The following PLPPR1 variants were observed in gnomAD, a reference collection of about 807,000 sequenced individuals.
PLPPR1 encodes phospholipid phosphatase related 1, also known as phospholipid phosphatase-related protein type 1.
Under a neutral mutation model 33.1 loss-of-function variants are expected in PLPPR1, and 10 were observed. The observed-to-expected ratio is 0.30, with a 90% CI of 0.19 to 0.51. PLPPR1 has a LOEUF of 0.51. Ranked by LOEUF, PLPPR1 falls within the 20% of genes least tolerant of loss-of-function variation. PLPPR1 has a pLI of 0.97. For synonymous variants in PLPPR1, 151 were observed against 151.0 expected (o/e 1.00, Z 0.00); for missense variants, 304 against 408.1 (o/e 0.74, Z 2.20).
Position 101,257,455 on chromosome 9 carries a change from C to G in PLPPR1, c.64-12425C>G, listed in dbSNP as rs117813451. On this transcript the variant is annotated intron_variant, in intron 2 of 7. Coordinates refer to ENST00000374874, the MANE Select transcript of PLPPR1 (RefSeq NM_207299.2). ...AACTGGGGTTACAGATTTGAAGGATCCTTTCCCTTAGGGCCTCACATCTTG... is the reference window on the plus strand; with the variant it reads ...AACTGGGGTTACAGATTTGAAGGATGCTTTCCCTTAGGGCCTCACATCTTG... Among the ~76,000 whole-genome samples, 806 of 152,242 alleles carry G rather than the reference C, an allele frequency of 5.3e-3. 1 individual carries two copies. Among genetic ancestry groups the G allele is most frequent in the Non-Finnish European group, 6.8e-3 (465 of 68,008 alleles).
At chr9:101,258,077 A>G (rs1827833106) in intron 2 of PLPPR1, among the ~76,000 whole-genome samples, 1 of 152,198 alleles carries the variant, frequency 6.6e-6, no homozygotes, top group East Asian at 1.9e-4. Flanking sequence ...TCCCAAAGCC[A>G]GTTCAGTACT....
chr9:101,272,299 G>T (rs750751646), intron 3 of PLPPR1, among the ~76,000 whole-genome samples: 1 of 152,140 alleles, frequency 6.6e-6, no homozygotes, highest in African/African-American at 2.4e-5. Flanking sequence ...TCAAACATTT[G>T]AGGAATAAGA....
intron 1 of PLPPR1, among the ~76,000 whole-genome samples, chr9:101,167,835 A>T (rs930741987): frequency 1.3e-5 from 2 of 152,186 alleles, no homozygotes; most frequent in Non-Finnish European, 2.9e-5. Context: ...CTGTTCTCAC[A>T]CTGCTGATAA....
chr9:101,309,372 A>G lies in PLPPR1; in HGVS notation c.547A>G (p.Thr183Ala). ...GTTTATAAACAATGGGAACATTTGT[A>G]CTGGGGACCTGGAAGTGATAGAAAA... ...HQFINNGNIC[T>A]GDLEVIEKAR... The change falls in exon 5 of 8, where the codon ACT becomes GCT. Residue 183 changes from threonine (T) to alanine (A), a missense_variant. Physicochemically the swap from Thr to Ala is moderately conservative, Grantham distance 58 (BLOSUM62 0). Transcript: ENST00000374874. 1.9e-6 allele frequency: 3 copies of G among 1,614,106 alleles called. No homozygotes were observed. The highest frequency in any genetic ancestry group is 2.5e-6 in the Non-Finnish European group (3 of 1,180,012).
chr9:101,186,465 C>A (rs1012899885), intron 2 of PLPPR1, among the ~76,000 whole-genome samples: 1 of 151,650 alleles, frequency 6.6e-6, no homozygotes, highest in African/African-American at 2.4e-5. Context: ...TTCTTTCTTA[C>A]GGCATCTTTT....
intron 2 of PLPPR1, among the ~76,000 whole-genome samples, chr9:101,197,093 C>G (rs1462706826): frequency 6.6e-6 from 1 of 152,108 alleles, no homozygotes; most frequent in Non-Finnish European, 1.5e-5. Context: ...TACACAATTG[C>G]CAGGTTGAGC....
chr9:101,072,607 T>A (rs1564136623), intron 1 of PLPPR1, among the ~76,000 whole-genome samples: 1 of 152,124 alleles, frequency 6.6e-6, no homozygotes, highest in African/African-American at 2.4e-5. Flanking sequence ...ATTCAGTAGA[T>A]GCTGGGCAAG....
At position 101,292,050 on chromosome 9, in the gene PLPPR1, G is replaced by T. The variant is rs538720257; in HGVS notation, c.385+5814G>T. 2.6e-5 allele frequency among the ~76,000 whole-genome samples: 4 copies of T among 152,120 alleles called. 1 individual carries two copies. The highest frequency in any genetic ancestry group is 2.6e-4 in the Admixed American group (4 of 15,266). ...AGAAGTTGAAAACTTTGAAAAAAAT[G>T]TAGACGAATATATAACTAGAATAAC... On this transcript the variant is annotated intron_variant, in intron 4 of 7. Coordinates refer to ENST00000374874, the MANE Select transcript of PLPPR1 (RefSeq NM_207299.2).
chr9:101,239,060 A>AGAGTGTGT (rs1449237107), intron 2 of PLPPR1, among the ~76,000 whole-genome samples: 20 of 147,434 alleles, frequency 1.4e-4, no homozygotes, highest in African/African-American at 5.0e-4. Context: ...AATTTCATTG[A>AGAGTGTGT]GTGTGTGTGT....
At chr9:101,202,058 G>A (rs1046241576) in intron 2 of PLPPR1, among the ~76,000 whole-genome samples, 2 of 152,162 alleles carry the variant, frequency 1.3e-5, no homozygotes, top group African/African-American at 4.8e-5. Flanking sequence ...GAATTAATCA[G>A]GTCCAACCAG....
At chr9:101,159,712 G>A (rs867552088) in intron 1 of PLPPR1, among the ~76,000 whole-genome samples, 7 of 152,166 alleles carry the variant, frequency 4.6e-5, no homozygotes, top group African/African-American at 1.7e-4. Context: ...AAGATTCCAG[G>A]CATACAAGGA....
intron 2 of PLPPR1, among the ~76,000 whole-genome samples, chr9:101,223,226 T>C (rs900061410): frequency 2.6e-5 from 4 of 151,016 alleles, no homozygotes; most frequent in Non-Finnish European, 4.4e-5. Flanking sequence ...GTGCCAGCTA[T>C]TTGGGAGGCT....
chr9:101,269,718 C>T, intron 2 of PLPPR1, 162 bp from the exon 3 acceptor site: 1 of 660,160 alleles, frequency 1.5e-6, no homozygotes, highest in East Asian at 2.7e-5. Flanking sequence ...GGCAGACAAG[C>T]AAGCACACAC....
chr9:101,167,208 C>CACAT (rs1465179339), intron 1 of PLPPR1, among the ~76,000 whole-genome samples: 3 of 37,456 alleles, frequency 8.0e-5, no homozygotes, highest in Admixed American at 2.2e-4. Context: ...CTCACACACA[C>CACAT]ACACATACAC....
chr9:101,034,267 A>G (rs1009051249), intron 1 of PLPPR1, among the ~76,000 whole-genome samples: 4 of 152,090 alleles, frequency 2.6e-5, no homozygotes, highest in Non-Finnish European at 5.9e-5. Context: ...TTTCTCCAAG[A>G]GCATGCAAAG....
chr9:101,229,172 T>G (rs7044697), intron 2 of PLPPR1, among the ~76,000 whole-genome samples: 52,946 of 151,992 alleles, frequency 0.35, 9,270 homozygotes, highest in Admixed American at 0.38. Flanking sequence ...AATTCACAAG[T>G]GTAATTGTAT....
At chr9:101,142,293 T>G (rs1831461707) in intron 1 of PLPPR1, among the ~76,000 whole-genome samples, 1 of 152,190 alleles carries the variant, frequency 6.6e-6, no homozygotes, top group South Asian at 2.1e-4. Context: ...TCTCTGGTCA[T>G]ACATTTTGAG....
intron 1 of PLPPR1, among the ~76,000 whole-genome samples, chr9:101,032,621 A>G (rs966057255): frequency 2.0e-5 from 3 of 152,142 alleles, no homozygotes; most frequent in Admixed American, 1.3e-4. Context: ...TATTTGTTGA[A>G]TGAATCATTA....
intron 2 of PLPPR1, among the ~76,000 whole-genome samples, chr9:101,245,961 G>A (rs549850476): frequency 1.3e-5 from 2 of 150,632 alleles, no homozygotes; most frequent in South Asian, 2.1e-4. Flanking sequence ...GACAAATAAG[G>A]TTGTATTTGG....
Sources: gnomAD v4.1 joint callset for allele counts (sites outside exome capture counted in the v4.1 genomes callset) on GRCh38, gnomAD v4.1.1 for gene constraint, MANE v1.5 for transcripts, NCBI Gene and HGNC (gene_info 2026-07-23, HGNC 2026-07-21) for gene names.